Variants in IRS2 observed in about 807,000 individuals in gnomAD.
The protein encoded by IRS2 is insulin receptor substrate 2.
IRS2 carries 28 observed loss-of-function variants against 70.9 expected under a neutral mutation model. The ratio of observed to expected loss-of-function variants is 0.39; its 90% CI spans 0.29 to 0.54. IRS2 has a LOEUF of 0.54. IRS2 is among the 20% of genes least tolerant of loss of function. The pLI is 0.59. For missense variants in IRS2, 2,081 were observed against 2,024.1 expected, an observed-to-expected ratio of 1.03 and a Z score of -0.54; for synonymous variants, 1,217 against 981.9, an observed-to-expected ratio of 1.24 and a Z score of -4.48.
intron 1 of IRS2, among the ~76,000 whole-genome samples, chr13:109,774,981 G>A (rs1877539929): frequency 6.6e-6 from 1 of 152,090 alleles, no homozygotes; most frequent in Non-Finnish European, 1.5e-5. Context: ...CTACCAAGTT[G>A]TGGGATTATC....
Position 109,782,743 on chromosome 13 carries a change from C to G in IRS2, c.3311G>C (p.Gly1104Ala). 6.3e-7 allele frequency: 1 copy of G among 1,599,040 alleles called. No homozygotes were observed. The highest frequency in any genetic ancestry group is 1.1e-5 in the South Asian group (1 of 89,122). The change falls in exon 1 of 2, where the codon GGC becomes GCC. Residue 1104 changes from glycine to alanine, a missense_variant. Gly to Ala is a moderately conservative substitution (Grantham distance 60). Coordinates refer to ENST00000375856, the MANE Select transcript of IRS2 (RefSeq NM_003749.3). ...CTCCATGAGGCTCAGCCTCTTCACGCCCGACGTCGGGCTGGCCACGCGGGC... is the reference window on the plus strand; with the variant it reads ...CTCCATGAGGCTCAGCCTCTTCACGGCCGACGTCGGGCTGGCCACGCGGGC... ...EAARVASPTS[G>A]VKRLSLMEQV...
intron 1 of IRS2, among the ~76,000 whole-genome samples, chr13:109,762,083 C>T (rs944013429): frequency 2.0e-5 from 3 of 152,206 alleles, no homozygotes; most frequent in African/African-American, 4.8e-5. Context: ...CTTTCCTATA[C>T]AGGAGCCTGT....
rs554117450 is a variant in IRS2 at position 109,782,992 on chromosome 13, G to A, written c.3062C>T (p.Pro1021Leu). The part of the protein sequence containing the change: ...SSPYPPLPPR[P>L]SASPSSSLQP... Reference sequence around the variant, plus strand: ...CAGAGACGACGACGGGGACGCGGACGGACGCGGGGGCAACGGCGGATACGG... The same window carrying A: ...CAGAGACGACGACGGGGACGCGGACAGACGCGGGGGCAACGGCGGATACGG... Residue 1021 changes from proline (P) to leucine (L), a missense_variant, in exon 1 of 2, where the codon CCG becomes CTG. Coordinates refer to ENST00000375856, the MANE Select transcript of IRS2 (RefSeq NM_003749.3). The A allele has an allele frequency of 7.3e-7, 1 of 1,369,874 alleles. No individual in the cohort carries two copies. Among genetic ancestry groups the A allele is most frequent in the East Asian group, 3.0e-5 (1 of 33,458 alleles). The allele number at this position is 1,369,874 out of a possible 1,614,324, so 84.9% of individuals were successfully genotyped here.
chr13:109,781,115 C>G (rs1877685394), intron 1 of IRS2, among the ~76,000 whole-genome samples: 1 of 152,184 alleles, frequency 6.6e-6, no homozygotes, highest in Non-Finnish European at 1.5e-5. Flanking sequence ...AATGTCCGTC[C>G]CTGCCTCCTA....
At chr13:109,768,654 C>T (rs577963202) in intron 1 of IRS2, among the ~76,000 whole-genome samples, 144 of 152,288 alleles carry the variant, frequency 9.5e-4, no homozygotes, top group African/African-American at 3.3e-3. Context: ...CATCCCGCCT[C>T]AAGGCAGAGT....
In IRS2 at chr13:109,756,072, AAAAC is replaced by A. The variant is rs1877100828; in HGVS notation, c.*228_*231del. ...TAATTTTGTTAAAACAAAACAAAAC[AAAAC>A]GCAAACAGCACAATGATGAATGCCC... is the stretch of plus-strand genomic sequence containing the variant. On this transcript the variant is annotated 3_prime_UTR_variant, in exon 2 of 2. Coordinates refer to ENST00000375856, the MANE Select transcript of IRS2 (RefSeq NM_003749.3). The A allele has an allele frequency of 2.0e-6, 1 of 494,306 alleles. No individual in the cohort carries two copies. The highest frequency in any genetic ancestry group is 3.6e-6 in the Non-Finnish European group (1 of 275,460). 30.6% of individuals were successfully genotyped at this position (494,306 alleles called of 1,614,324 possible).
In IRS2 at chr13:109,756,112, C is replaced by T; in HGVS notation, c.*192G>A. 1 of 580,594 alleles carries T rather than the reference C, an allele frequency of 1.7e-6. No individual in the cohort carries two copies. Among genetic ancestry groups the T allele is most frequent in the Non-Finnish European group, 3.1e-6 (1 of 321,704 alleles). 36.0% of individuals were successfully genotyped at this position (580,594 alleles called of 1,614,324 possible). On this transcript the variant is annotated 3_prime_UTR_variant, in exon 2 of 2. Transcript: ENST00000375856. The stretch of plus-strand genomic sequence containing the variant: ...CAATGATGAATGCCCCATCCGGGAA[C>T]AAGGGAAAGAGGCAGGTGACCTTGC...
intron 1 of IRS2, among the ~76,000 whole-genome samples, chr13:109,779,573 A>G (rs530625299): frequency 1.3e-4 from 20 of 152,336 alleles, no homozygotes; most frequent in Non-Finnish European, 7.4e-5. Context: ...TACGTGGACT[A>G]AGGTGACACT....
At chr13:109,762,549 C>T (rs1325473999) in intron 1 of IRS2, among the ~76,000 whole-genome samples, 3 of 152,178 alleles carry the variant, frequency 2.0e-5, no homozygotes, top group South Asian at 4.1e-4. Flanking sequence ...AGAGTGTCAA[C>T]TTCCACAGTG....
chr13:109,783,213 C>T lies in IRS2; in HGVS notation c.2841G>A (p.Ser947=), dbSNP rs2138932006. ...PLLASAASSS[S]LLSASSPASS... is the part of the protein sequence containing the mutation. ...AGGCCGGGCTGCTGGCGGACAAGAG[C>T]GAGGAGGACGAGGCCGCCGACGCCA... Residue 947 remains serine (S), a synonymous_variant, in exon 1 of 2, where the codon TCG becomes TCA. Transcript: ENST00000375856. 2.8e-6 allele frequency: 4 copies of T among 1,426,664 alleles called. No homozygotes were observed. Among genetic ancestry groups the T allele is most frequent in the Non-Finnish European group, 3.7e-6 (4 of 1,093,834 alleles). 88.4% of individuals were successfully genotyped at this position (1,426,664 alleles called of 1,614,324 possible). A position where few individuals can be genotyped will look rare whatever the true frequency, so the allele number is the denominator to read the frequency against.
intron 1 of IRS2, among the ~76,000 whole-genome samples, chr13:109,780,721 C>G (rs1450103650): frequency 6.6e-6 from 1 of 152,202 alleles, no homozygotes; most frequent in East Asian, 1.9e-4. Context: ...CTGTTTACAC[C>G]TTAGGCTCAC....
At chr13:109,776,527 T>G (rs1011156138) in intron 1 of IRS2, among the ~76,000 whole-genome samples, 8 of 152,254 alleles carry the variant, frequency 5.3e-5, no homozygotes, top group African/African-American at 1.9e-4. Flanking sequence ...AGAATTCTTA[T>G]GTAATGAATT....
At chr13:109,777,345 A>C (rs1877601332) in intron 1 of IRS2, among the ~76,000 whole-genome samples, 1 of 152,204 alleles carries the variant, frequency 6.6e-6, no homozygotes, top group Non-Finnish European at 1.5e-5. Flanking sequence ...TCTAAAGAAA[A>C]TGCATTAGTG....
At position 109,785,436 on chromosome 13, in the gene IRS2, A is replaced by G; in HGVS notation, c.618T>C (p.Gly206=). 6.2e-7 allele frequency: 1 copy of G among 1,610,564 alleles called. No individual in the cohort carries two copies. Among genetic ancestry groups the G allele is most frequent in the Non-Finnish European group, 8.5e-7 (1 of 1,179,112 alleles). Residue 206 remains glycine, a synonymous_variant, in exon 1 of 2, where the codon GGT becomes GGC. Coordinates refer to ENST00000375856, the MANE Select transcript of IRS2 (RefSeq NM_003749.3). This position sits in a 1 kb window ranked among gnomAD's most constrained non-coding sequence, Gnocchi z 9.3. ...CCGTCAGGTTCTTGCTCTGGCCCAG[A>G]CCCTTGGGCTTCAGGTTCACCTGCC... ...EVWQVNLKPK[G]LGQSKNLTGV...
chr13:109,763,422 C>T (rs1353618367), intron 1 of IRS2, among the ~76,000 whole-genome samples: 5 of 151,546 alleles, frequency 3.3e-5, no homozygotes, highest in Admixed American at 6.6e-5. Flanking sequence ...TCTTAGCTAC[C>T]GCTATTCTAT....
At chr13:109,780,035 T>C (rs1457183917) in intron 1 of IRS2, among the ~76,000 whole-genome samples, 1 of 152,176 alleles carries the variant, frequency 6.6e-6, no homozygotes, top group Non-Finnish European at 1.5e-5. Flanking sequence ...CCTCCAGGCC[T>C]GGAGGCACAA....
Position 109,786,046 on chromosome 13 carries a change from C to A in IRS2, c.8G>T (p.Ser3Ile). 7.8e-7 allele frequency: 1 copy of A among 1,276,882 alleles called. No individual in the cohort carries two copies. The highest frequency in any genetic ancestry group is 9.8e-7 in the Non-Finnish European group (1 of 1,015,960). The allele number at this position is 1,276,882 out of a possible 1,614,324, so 79.1% of individuals were successfully genotyped here. The change falls in exon 1 of 2, where the codon AGC becomes ATC. Residue 3 changes from serine (S) to isoleucine (I), a missense_variant. Ser to Ile is a moderately radical substitution (Grantham distance 142, BLOSUM62 -2). This residue lies in a region of IRS2 where 320 missense variants were observed against 352.9 expected (regional missense o/e 0.91). Transcript: ENST00000375856. The surrounding 1 kb of genome is among the most constrained non-coding windows in gnomAD (Gnocchi z 4.4). ...CCCGGGCGGCCCGTGCCGCGGCGGG[C>A]TCGCCATCGCGGGCGCTTCAGGCCG... MA[S>I]PPRHGPPGPA... is the part of the protein sequence containing the mutation.
chr13:109,754,302 A>G lies in IRS2; in HGVS notation c.*2002T>C, dbSNP rs1043492750. The G allele has an allele frequency of 6.2e-5, 14 of 225,592 alleles. No individual in the cohort carries two copies. The highest frequency in any genetic ancestry group is 1.1e-4 in the Non-Finnish European group (12 of 113,206). 14.0% of individuals were successfully genotyped at this position (225,592 alleles called of 1,614,324 possible). A position where few individuals can be genotyped will look rare whatever the true frequency, so the allele number is the denominator to read the frequency against. ...TGTACAGGATAGAGGAAAATTTAGC[A>G]TATTATCATCTGTGTATTTTGCTTG... On this transcript the variant is annotated 3_prime_UTR_variant, in exon 2 of 2. Transcript: ENST00000375856.
intron 1 of IRS2, among the ~76,000 whole-genome samples, chr13:109,758,337 C>T (rs1469981451): frequency 6.6e-6 from 1 of 152,174 alleles, no homozygotes; most frequent in Non-Finnish European, 1.5e-5. Context: ...TAATCAATTG[C>T]TTATTTTATT....
Sources: allele counts gnomAD v4.1 joint callset (sites outside exome capture counted in the v4.1 genomes callset), GRCh38; gene constraint gnomAD v4.1.1; regional missense constraint gnomAD v4.1.1; non-coding constraint Gnocchi (gnomAD v3.1); transcripts MANE v1.5; gene names NCBI Gene and HGNC (gene_info 2026-07-23, HGNC 2026-07-21).